PTPRT: variants seen among roughly 807,000 people sequenced by gnomAD.
The protein encoded by PTPRT is protein tyrosine phosphatase receptor type T.
Under a neutral mutation model 176.8 loss-of-function variants are expected in PTPRT, and 56 were observed. The observed-to-expected ratio is 0.32, with a 90% CI of 0.26 to 0.40. The LOEUF is 0.40. PTPRT is among the 10% of genes least tolerant of loss of function. The pLI, the probability that PTPRT is intolerant of heterozygous loss-of-function variation, is 1.00. For missense variants in PTPRT, 1,540 were observed against 1,908.2 expected (o/e 0.81, Z 3.60); for synonymous variants, 783 against 739.0 (o/e 1.06, Z -0.96).
chr20:42,332,409 A>C (rs770474679), intron 11 of PTPRT, among the ~76,000 whole-genome samples: 5 of 151,946 alleles, frequency 3.3e-5, no homozygotes, highest in Non-Finnish European at 7.4e-5. Flanking sequence ...ACAGGGTTTT[A>C]CCGTGTTAGC....
intron 1 of PTPRT, among the ~76,000 whole-genome samples, chr20:42,955,015 G>A (rs1981532181): frequency 6.6e-6 from 1 of 151,658 alleles, no homozygotes; most frequent in South Asian, 2.1e-4. Context: ...AGGGAGGAGA[G>A]GGAGGAGGAG....
chr20:42,551,331 C>T lies in PTPRT; in HGVS notation c.1154-78769G>A, dbSNP rs115971623. Reference sequence around the variant, plus strand: ...GTGGGCTCATTCTTTTAGAAATAGTCATCAGGCACACACAAAAAGCAATTT... The same window carrying T: ...GTGGGCTCATTCTTTTAGAAATAGTTATCAGGCACACACAAAAAGCAATTT... On this transcript the variant is annotated intron_variant, in intron 7 of 30. Transcript: ENST00000373187. Among the ~76,000 whole-genome samples the T allele has an allele frequency of 4.5e-3, 685 of 152,224 alleles. 3 individuals are homozygous for T. The highest frequency in any genetic ancestry group is 0.016 in the African/African-American group (648 of 41,544).
At chr20:42,609,032 C>T (rs561236798) in intron 7 of PTPRT, among the ~76,000 whole-genome samples, 1 of 152,166 alleles carries the variant, frequency 6.6e-6, no homozygotes, top group East Asian at 1.9e-4. Context: ...AGACACCCAC[C>T]CCGTCTCTAT....
At position 42,199,311 on chromosome 20, in the gene PTPRT, G is replaced by C; in HGVS notation, c.2420C>G (p.Pro807Arg). ...GCGGCTGGCGCTGAGCTTGGTGGTGGGTTTGTCGGCAGAGGCCACAGGCCC... is the reference window on the plus strand; with the variant it reads ...GCGGCTGGCGCTGAGCTTGGTGGTGCGTTTGTCGGCAGAGGCCACAGGCCC... ...EMGPVASADK[P>R]TTKLSASRND... Residue 807 changes from proline to arginine, a missense_variant, in exon 16 of 31, where the codon CCC becomes CGC. Transcript: ENST00000373187. The C allele has an allele frequency of 6.2e-7, 1 of 1,614,168 alleles. No individual in the cohort carries two copies. The highest frequency in any genetic ancestry group is 8.5e-7 in the Non-Finnish European group (1 of 1,180,026).
At chr20:42,491,418 G>A (rs914844068) in intron 7 of PTPRT, among the ~76,000 whole-genome samples, 1 of 152,116 alleles carries the variant, frequency 6.6e-6, no homozygotes, top group African/African-American at 2.4e-5. Context: ...TTTATTTCTG[G>A]AATTTTCCAT....
intron 6 of PTPRT, among the ~76,000 whole-genome samples, chr20:42,707,648 A>T (rs1030887204): frequency 5.9e-5 from 9 of 152,198 alleles, no homozygotes; most frequent in Non-Finnish European, 1.3e-4. Context: ...TCAGAATTCA[A>T]CCAGCAACAA....
intron 6 of PTPRT, among the ~76,000 whole-genome samples, chr20:42,699,293 C>A (rs1000015621): frequency 2.0e-5 from 3 of 152,136 alleles, no homozygotes; most frequent in African/African-American, 7.2e-5. Flanking sequence ...GATCATTTTG[C>A]ACCTGCTGAA....
intron 7 of PTPRT, among the ~76,000 whole-genome samples, chr20:42,610,382 T>C (rs1600466648): frequency 8.3e-6 from 1 of 120,294 alleles, no homozygotes; most frequent in Non-Finnish European, 1.6e-5. Flanking sequence ...TTGTTTTGTT[T>C]TTTTTTTTTG....
intron 5 of PTPRT, 42 bp downstream of exon 5, chr20:42,771,393 C>G (rs774706084): frequency 1.3e-6 from 2 of 1,532,184 alleles, no homozygotes; most frequent in East Asian, 2.2e-5. Flanking sequence ...TTTTCCCTTT[C>G]TCATCCTAAC....
At chr20:43,011,416 A>C (rs977779633) in intron 1 of PTPRT, among the ~76,000 whole-genome samples, 1 of 152,126 alleles carries the variant, frequency 6.6e-6, no homozygotes, top group African/African-American at 2.4e-5. Flanking sequence ...ATGATCCCCC[A>C]AACAGGAGTC....
chr20:42,169,784 AC>A (rs1989997102), intron 16 of PTPRT, among the ~76,000 whole-genome samples: 1 of 141,134 alleles, frequency 7.1e-6, no homozygotes, highest in Non-Finnish European at 1.5e-5. Context: ...ACACACACAC[AC>A]ACACACAACA....
chr20:42,688,821 A>G (rs1000144731), intron 6 of PTPRT, among the ~76,000 whole-genome samples: 1 of 152,274 alleles, frequency 6.6e-6, no homozygotes, highest in Admixed American at 6.5e-5. Flanking sequence ...GGGAGATATC[A>G]TATTCTGCCT....
chr20:42,778,800 G>A (rs1199147737), intron 4 of PTPRT, among the ~76,000 whole-genome samples: 2 of 152,166 alleles, frequency 1.3e-5, no homozygotes, highest in Non-Finnish European at 2.9e-5. Flanking sequence ...TGCATAGCTG[G>A]GGGGATTTCT....
At chr20:43,125,152 C>A (rs1472670465) in intron 1 of PTPRT, among the ~76,000 whole-genome samples, 1 of 135,110 alleles carries the variant, frequency 7.4e-6, no homozygotes, top group African/African-American at 2.8e-5. Context: ...TGTGCCGCCA[C>A]ACCTAGCTGA....
At chr20:42,169,931 C>T (rs1032317795) in intron 16 of PTPRT, among the ~76,000 whole-genome samples, 17 of 152,090 alleles carry the variant, frequency 1.1e-4, no homozygotes, top group Admixed American at 2.6e-4. Context: ...GATGTCCCTA[C>T]GCCATCAAGG....
intron 7 of PTPRT, among the ~76,000 whole-genome samples, chr20:42,545,520 C>A (rs562326699): frequency 1.3e-5 from 2 of 152,158 alleles, no homozygotes; most frequent in African/African-American, 4.8e-5. Flanking sequence ...ACTTTCAATT[C>A]CCCAGCCTAT....
intron 7 of PTPRT, among the ~76,000 whole-genome samples, chr20:42,524,392 A>G (rs976077400): frequency 1.3e-5 from 2 of 152,056 alleles, no homozygotes; most frequent in Non-Finnish European, 2.9e-5. Context: ...TCTCTTACCC[A>G]TACTATCAAC....
intron 1 of PTPRT, among the ~76,000 whole-genome samples, chr20:43,074,372 C>A (rs184419177): frequency 6.6e-6 from 1 of 152,302 alleles, no homozygotes; most frequent in East Asian, 1.9e-4. Flanking sequence ...CTCCAACAAT[C>A]TCAGCATTCC....
chr20:42,141,073 G>A (rs1988601216), intron 18 of PTPRT, among the ~76,000 whole-genome samples: 1 of 152,146 alleles, frequency 6.6e-6, no homozygotes, highest in Admixed American at 6.5e-5. Context: ...ATTCACTGGG[G>A]GTGCCTACAG....
Sources: allele counts gnomAD v4.1 joint callset (sites outside exome capture counted in the v4.1 genomes callset), GRCh38; gene constraint gnomAD v4.1.1; transcripts MANE v1.5; gene names NCBI Gene and HGNC (gene_info 2026-07-23, HGNC 2026-07-21).